Variants in FAM120B observed in about 807,000 individuals in gnomAD.
FAM120B encodes family with sequence similarity 120 member B, also known as constitutive coactivator of peroxisome proliferator-activated receptor gamma.
Under a neutral mutation model 96.3 loss-of-function variants are expected in FAM120B, and 83 were observed. That is an observed-to-expected ratio of 0.86 (90% CI 0.72 to 1.03). The LOEUF (loss-of-function observed/expected upper bound fraction) is 1.03. Among genes scored for constraint, FAM120B ranks in the 50% least tolerant of loss-of-function variants. FAM120B has a pLI of 0.00. For missense variants in FAM120B, 1,027 were observed against 1,121.2 expected (o/e 0.92, Z 1.20); for synonymous variants, 407 against 402.7 (o/e 1.01, Z -0.13).
intron 6 of FAM120B, among the ~76,000 whole-genome samples, chr6:170,369,626 C>A (rs1416519840): frequency 6.6e-6 from 1 of 151,960 alleles, no homozygotes; most frequent in African/African-American, 2.4e-5. Context: ...CGGGGCTGAA[C>A]CCGCCACTGG....
intron 3 of FAM120B, among the ~76,000 whole-genome samples, chr6:170,323,932 T>G (rs1785443025): frequency 6.6e-6 from 1 of 152,204 alleles, no homozygotes. Flanking sequence ...AGATGTTGAA[T>G]GCATTTAGTG....
intron 6 of FAM120B, among the ~76,000 whole-genome samples, chr6:170,359,978 G>A (rs548325887): frequency 6.6e-6 from 1 of 152,318 alleles, no homozygotes; most frequent in East Asian, 1.9e-4. Context: ...CTGGGCCCTG[G>A]TTGTGGCTGC....
intron 5 of FAM120B, among the ~76,000 whole-genome samples, chr6:170,354,812 C>A (rs1787794849): frequency 6.6e-6 from 1 of 151,974 alleles, no homozygotes; most frequent in South Asian, 2.1e-4. Flanking sequence ...ACCTGTAATC[C>A]CAGCTACTTG....
intron 6 of FAM120B, among the ~76,000 whole-genome samples, chr6:170,360,355 C>T (rs1473273843): frequency 1.3e-5 from 2 of 152,174 alleles, no homozygotes; most frequent in Middle Eastern, 3.2e-3. Context: ...TTAGTGCATT[C>T]GATCTTCGTT....
chr6:170,406,441 G>A lies in FAM120B; in HGVS notation c.*1690G>A, dbSNP rs7754489. On this transcript the variant is annotated 3_prime_UTR_variant, in exon 11 of 11. Transcript: ENST00000476287. ...CACTTGACGAATTACCTTGACCAAC[G>A]GGCCAAAGGCACAGAGCTCCAAGGC... 19,903 of 152,136 alleles carry A rather than the reference G, an allele frequency of 0.13. 1,582 individuals are homozygous for A. Among genetic ancestry groups the A allele is most frequent in the African/African-American group, 0.22 (9,078 of 41,480 alleles). 9.4% of individuals were successfully genotyped at this position (152,136 alleles called of 1,614,324 possible).
chr6:170,325,104 G>T (rs746678182), intron 3 of FAM120B, among the ~76,000 whole-genome samples: 23 of 152,292 alleles, frequency 1.5e-4, no homozygotes, highest in Admixed American at 6.5e-4. Context: ...AAACTCTGTT[G>T]TTAGGTGCAT....
chr6:170,364,519 C>A (rs1213651765), intron 6 of FAM120B, among the ~76,000 whole-genome samples: 1 of 152,200 alleles, frequency 6.6e-6, no homozygotes, highest in East Asian at 1.9e-4. Flanking sequence ...TGATTAACTT[C>A]ATTAAATGGA....
intron 9 of FAM120B, among the ~76,000 whole-genome samples, chr6:170,402,135 G>A (rs775802190): frequency 1.5e-4 from 23 of 152,268 alleles, no homozygotes; most frequent in Admixed American, 7.2e-4. Flanking sequence ...AAGGAGGCAG[G>A]CTCAGCAGAC....
At chr6:170,393,699 T>C (rs2115325601) in intron 8 of FAM120B, among the ~76,000 whole-genome samples, 1 of 152,346 alleles carries the variant, frequency 6.6e-6, no homozygotes, top group East Asian at 1.9e-4. Context: ...AAGAACCTTA[T>C]GCCCCACATG....
At chr6:170,356,826 C>T (rs1283507631) in intron 5 of FAM120B, among the ~76,000 whole-genome samples, 2 of 152,132 alleles carry the variant, frequency 1.3e-5, no homozygotes, top group Non-Finnish European at 2.9e-5. Context: ...TTATTAGAGA[C>T]TCATCTGAGA....
chr6:170,324,823 A>G (rs1041243661), intron 3 of FAM120B, among the ~76,000 whole-genome samples: 3 of 152,222 alleles, frequency 2.0e-5, no homozygotes, highest in African/African-American at 7.2e-5. Context: ...GCTGATTTAT[A>G]TATGATGATA....
chr6:170,391,322 G>T lies in FAM120B; in HGVS notation c.2599+201G>T. ...GGCCGAGGCAGGCAGATCACTTGAG[G>T]TCAGGAATTCAAGACCAGCCTGGCC... On this transcript the variant is annotated intron_variant, in intron 8 of 10. Coordinates refer to ENST00000476287, the MANE Select transcript of FAM120B (RefSeq NM_032448.3). 5.8e-6 allele frequency: 3 copies of T among 515,822 alleles called. No individual in the cohort carries two copies. In the South Asian group the frequency reaches 6.1e-5, roughly 11 times the overall value. 32.0% of individuals were successfully genotyped at this position (515,822 alleles called of 1,614,324 possible).
At chr6:170,322,691 T>G (rs1402491020) in intron 2 of FAM120B, among the ~76,000 whole-genome samples, 1 of 152,100 alleles carries the variant, frequency 6.6e-6, no homozygotes, top group Non-Finnish European at 1.5e-5. Flanking sequence ...TAGCAAAGTT[T>G]TCAAAGACAG....
chr6:170,375,030 C>G (rs993098416), intron 6 of FAM120B, among the ~76,000 whole-genome samples: 6 of 152,228 alleles, frequency 3.9e-5, no homozygotes, highest in Admixed American at 2.0e-4. Flanking sequence ...CACCACAACC[C>G]ACAGAAGTGG....
At chr6:170,299,966 A>G (rs1414708861) in intron 1 of FAM120B, among the ~76,000 whole-genome samples, 1 of 152,250 alleles carries the variant, frequency 6.6e-6, no homozygotes, top group Non-Finnish European at 1.5e-5. Context: ...TTTCTACATG[A>G]TACCTTTTAT....
At chr6:170,389,058 GAGA>G (rs1790346438) in intron 7 of FAM120B, among the ~76,000 whole-genome samples, 1 of 152,158 alleles carries the variant, frequency 6.6e-6, no homozygotes, top group Non-Finnish European at 1.5e-5. Context: ...TGAGTGGGCT[GAGA>G]AGGAGGAAGA....
chr6:170,360,408 G>A (rs150927430), intron 6 of FAM120B, among the ~76,000 whole-genome samples: 5 of 152,328 alleles, frequency 3.3e-5, no homozygotes, highest in Admixed American at 1.3e-4. Flanking sequence ...TGTTGTAATT[G>A]GCAAGGCTAA....
chr6:170,303,995 C>G (rs1270582447), upstream of FAM120B, among the ~76,000 whole-genome samples: 1 of 152,190 alleles, frequency 6.6e-6, no homozygotes, highest in Non-Finnish European at 1.5e-5. Flanking sequence ...GCCTCTATCC[C>G]CTACTGTATA....
At position 170,388,586 on chromosome 6, in the gene FAM120B, T is replaced by A. The variant is rs771342826; in HGVS notation, c.2490+93T>A. The A allele has an allele frequency of 1.0e-4, 109 of 1,054,464 alleles. 1 individual carries two copies. Among genetic ancestry groups the A allele is most frequent in the Admixed American group, 1.7e-4 (9 of 54,324 alleles). 65.3% of individuals were successfully genotyped at this position (1,054,464 alleles called of 1,614,324 possible). A position where few individuals can be genotyped will look rare whatever the true frequency, so the allele number is the denominator to read the frequency against. On this transcript the variant is annotated intron_variant, in intron 7 of 10. Transcript: ENST00000476287. ...AAGTCGGCTGTTGCATTTTTCAAAT[T>A]AATGCTTTCCAAATAAAGGATTCCG...
Sources: allele counts gnomAD v4.1 joint callset (sites outside exome capture counted in the v4.1 genomes callset), GRCh38; gene constraint gnomAD v4.1.1; transcripts MANE v1.5; gene names NCBI Gene and HGNC (gene_info 2026-07-23, HGNC 2026-07-21).